B4GALNT3: variants seen among roughly 807,000 people sequenced by gnomAD.
B4GALNT3 encodes beta-1,4-N-acetylgalactosaminyltransferase 3.
B4GALNT3 carries 86 observed loss-of-function variants against 120.2 expected under a neutral mutation model. That is an observed-to-expected ratio of 0.72 (90% CI 0.60 to 0.86). B4GALNT3 has a LOEUF of 0.86. Among genes scored for constraint, B4GALNT3 ranks in the 40% least tolerant of loss-of-function variants. The probability of loss-of-function intolerance (pLI) is 0.00; values close to 1 mark genes in which losing one functional copy is unlikely to be tolerated. For synonymous variants in B4GALNT3, 518 were observed against 510.4 expected (o/e 1.01, Z -0.20); for missense variants, 1,167 against 1,298.9 (o/e 0.90, Z 1.56).
At position 536,134 on chromosome 12, in the gene B4GALNT3, G is replaced by T. The variant is rs74056260; in HGVS notation, c.274-84G>T. The T allele has an allele frequency of 2.0e-3, 2,261 of 1,135,478 alleles. 34 individuals carry two copies. In the African/African-American group the frequency reaches 0.031, roughly 16 times the overall value. The allele number at this position is 1,135,478 out of a possible 1,614,324, so 70.3% of individuals were successfully genotyped here. A position where few individuals can be genotyped will look rare whatever the true frequency, so the allele number is the denominator to read the frequency against. On this transcript the variant is annotated intron_variant, in intron 2 of 19. Coordinates refer to ENST00000266383, the MANE Select transcript of B4GALNT3 (RefSeq NM_173593.4). ...AGCGTGCTCCGAGCCGACGCCTCCT[G>T]GGAGCAGGCACTGTGCCTCCTGTCC...
chr12:481,385 C>T (rs1338137761), intron 1 of B4GALNT3, among the ~76,000 whole-genome samples: 3 of 152,184 alleles, frequency 2.0e-5, no homozygotes, highest in South Asian at 2.1e-4. Context: ...TAGGATATGA[C>T]GGGGTAGGCA....
chr12:544,669 G>C (rs1349434239), intron 4 of B4GALNT3, among the ~76,000 whole-genome samples: 3 of 152,014 alleles, frequency 2.0e-5, no homozygotes, highest in Non-Finnish European at 4.4e-5. Flanking sequence ...GTGTACCCAG[G>C]GCCACCATGT....
At chr12:497,121 C>T (rs1946396727) in intron 1 of B4GALNT3, among the ~76,000 whole-genome samples, 1 of 152,124 alleles carries the variant, frequency 6.6e-6, no homozygotes, top group African/African-American at 2.4e-5. Flanking sequence ...AGGCGTGGGC[C>T]ATCGCTCCTG....
chr12:549,627 A>C, intron 9 of B4GALNT3, 142 bp from the exon 10 acceptor site: 1 of 1,070,806 alleles, frequency 9.3e-7, no homozygotes, highest in Non-Finnish European at 1.3e-6. Flanking sequence ...CGGGGGCCAG[A>C]GGGAGTGTGG....
intron 7 of B4GALNT3, among the ~76,000 whole-genome samples, chr12:547,193 CT>C (rs1346001274): frequency 7.4e-6 from 1 of 134,278 alleles, no homozygotes; most frequent in Admixed American, 7.6e-5. Context: ...GCTGGAAACG[CT>C]GGGAAGGACG....
chr12:509,795 T>C (rs1946529230), intron 1 of B4GALNT3, among the ~76,000 whole-genome samples: 1 of 152,144 alleles, frequency 6.6e-6, no homozygotes, highest in South Asian at 2.1e-4. Context: ...CTTGCCAGAC[T>C]TGTTAATGTG....
chr12:545,047 G>A (rs1946975209), intron 5 of B4GALNT3, 75 bp downstream of exon 5: 1 of 1,558,088 alleles, frequency 6.4e-7, no homozygotes, highest in Non-Finnish European at 8.7e-7. Context: ...CATAAGATAA[G>A]GTTATAGGTA....
At position 550,486 on chromosome 12, in the gene B4GALNT3, CA is replaced by C. The variant is rs950575807; in HGVS notation, c.998-428del. On this transcript the variant is annotated intron_variant, in intron 10 of 19. Coordinates refer to ENST00000266383, the MANE Select transcript of B4GALNT3 (RefSeq NM_173593.4). The surrounding 1 kb of genome is among the most constrained non-coding windows in gnomAD (Gnocchi z 4.1). The stretch of plus-strand genomic sequence containing the variant: ...CCTGGGTGACAGAGTGAGATCCTGT[CA>C]AAAAAAACAAACAAACAAAAAAAAC... Among the ~76,000 whole-genome samples, 45 of 147,588 alleles carry C rather than the reference CA, an allele frequency of 3.0e-4. No homozygotes were observed. The South Asian group carries it at 3.3e-3, about 11-fold the overall frequency.
chr12:540,198 C>T (rs543694070), intron 3 of B4GALNT3, among the ~76,000 whole-genome samples: 8 of 152,354 alleles, frequency 5.3e-5, no homozygotes, highest in Admixed American at 2.6e-4. Flanking sequence ...TGCCTGCCTT[C>T]GTGCGCCTCT....
intron 1 of B4GALNT3, among the ~76,000 whole-genome samples, chr12:472,594 C>A (rs148972335): frequency 6.6e-6 from 1 of 152,300 alleles, no homozygotes; most frequent in South Asian, 2.1e-4. Context: ...CCCGCCACCA[C>A]GCCTGGCTAA....
chr12:555,425 T>G (rs1272791623), intron 14 of B4GALNT3: 1 of 454,650 alleles, frequency 2.2e-6, no homozygotes, highest in East Asian at 7.0e-5. Flanking sequence ...AACACTTCAT[T>G]CCTCGATATT....
At chr12:484,183 A>G (rs994303940) in intron 1 of B4GALNT3, among the ~76,000 whole-genome samples, 2 of 152,222 alleles carry the variant, frequency 1.3e-5, no homozygotes, top group Non-Finnish European at 2.9e-5. Flanking sequence ...TTTCACAGGC[A>G]GACTGCCTCC....
rs915254879 is a variant in B4GALNT3, at chr12:545,300, C to T, written c.539-69C>T. 10 of 1,541,430 alleles carry T rather than the reference C, an allele frequency of 6.5e-6. No homozygotes were observed. The African/African-American group carries it at 8.1e-5, about 13-fold the overall frequency. ...AAGGGAATTTAATCGCTAAGACACT[C>T]ACAAAAGCCTCCAGCTTTTATGCTG... On this transcript the variant is annotated intron_variant, in intron 5 of 19. Transcript: ENST00000266383.
At position 556,764 on chromosome 12, in the gene B4GALNT3, C is replaced by T. The variant is rs373185758; in HGVS notation, c.2278C>T (p.Arg760Cys). ...AGGCCTGGTCTGGGACCCACACAAC[C>T]GTAGGAGACAGGTCCTGAATACCCG... Reference protein sequence around the residue: ...LQGLVWDPHNRRRQVLNTRAQ... With the variant: ...LQGLVWDPHNCRRQVLNTRAQ... The change falls in exon 15 of 20, where the codon CGT becomes TGT. Residue 760 changes from arginine to cysteine, a missense_variant. By Grantham distance (180) the Arg-to-Cys change is radical. Transcript: ENST00000266383. 41 of 1,612,648 alleles carry T rather than the reference C, an allele frequency of 2.5e-5. No homozygotes were observed. Among genetic ancestry groups the T allele is most frequent in the Non-Finnish European group, 2.8e-5 (33 of 1,179,152 alleles).
At chr12:558,801 C>G in intron 18 of B4GALNT3, 140 bp downstream of exon 18, 1 of 920,154 alleles carries the variant, frequency 1.1e-6, no homozygotes, top group East Asian at 2.7e-5. Context: ...CCTTCACTCC[C>G]CGGAAAACTC....
chr12:528,451 G>A (rs548602993), intron 1 of B4GALNT3, among the ~76,000 whole-genome samples: 6 of 152,356 alleles, frequency 3.9e-5, no homozygotes, highest in African/African-American at 1.4e-4. Flanking sequence ...ACAGGCATAT[G>A]TATGTGTATA....
At chr12:531,019 TGGCTA>T (rs945738928) in intron 1 of B4GALNT3, among the ~76,000 whole-genome samples, 8 of 152,186 alleles carry the variant, frequency 5.3e-5, no homozygotes, top group Non-Finnish European at 8.8e-5. Context: ...AGAAGAGGTC[TGGCTA>T]GGAGCAGGAG....
Position 546,708 on chromosome 12 carries a change from G to C in B4GALNT3, c.702G>C (p.Pro234=), listed in dbSNP as rs1010770263. The change falls in exon 7 of 20, where the codon CCG becomes CCC. Residue 234 remains proline (P), a synonymous_variant. Transcript: ENST00000266383. The stretch of plus-strand genomic sequence containing the variant: ...AATTTCGGAGCCAAATTTCCAAGCC[G>C]GTGAGGTGAGTGAGGGTCAGGACAG... ...FGKFRSQISK[P]VSLSASHRYY... is the part of the protein sequence containing the mutation. 1.3e-6 allele frequency: 2 copies of C among 1,551,426 alleles called. No homozygotes were observed. The highest frequency in any genetic ancestry group is 1.7e-4 in the Middle Eastern group (1 of 5,952).
chr12:498,461 T>A (rs748964013), intron 1 of B4GALNT3, among the ~76,000 whole-genome samples: 2 of 152,182 alleles, frequency 1.3e-5, no homozygotes, highest in Non-Finnish European at 2.9e-5. Context: ...TAACTCCATC[T>A]GTGGCCCCAT....
Sources: gnomAD v4.1 joint callset for allele counts (sites outside exome capture counted in the v4.1 genomes callset) on GRCh38, gnomAD v4.1.1 for gene constraint, Gnocchi (gnomAD v3.1) non-coding constraint, MANE v1.5 for transcripts, NCBI Gene and HGNC (gene_info 2026-07-23, HGNC 2026-07-21) for gene names.